Variants in PDK1 observed in about 807,000 individuals in gnomAD.
PDK1 encodes pyruvate dehydrogenase kinase 1, also known as [Pyruvate dehydrogenase (acetyl-transferring)] kinase isozyme 1, mitochondrial.
In PDK1, 39 loss-of-function variants were observed where a neutral mutation model predicts 54.2. The ratio of observed to expected loss-of-function variants is 0.72; its 90% CI spans 0.56 to 0.94. The LOEUF (loss-of-function observed/expected upper bound fraction) is 0.94, where lower values mean the gene tolerates loss of function less well. Among genes scored for constraint, PDK1 ranks in the 40% least tolerant of loss-of-function variants. The pLI is 0.00. For missense variants in PDK1, 552 were observed against 566.0 expected (o/e 0.98, Z 0.25); for synonymous variants, 221 against 207.1 (o/e 1.07, Z -0.58).
the PDK1 span, among the ~76,000 whole-genome samples, chr2:172,696,182 A>AG: frequency 2.6e-5 from 4 of 151,188 alleles, no homozygotes; most frequent in Non-Finnish European, 4.4e-5. Flanking sequence ...CAAAAAAAAA[A>AG]AAAAAAGAAA....
chr2:172,635,954 G>A, the PDK1 span, among the ~76,000 whole-genome samples: 1 of 152,222 alleles, frequency 6.6e-6, no homozygotes, highest in East Asian at 1.9e-4. Context: ...AGTAAAAGCT[G>A]TGACCTAGGC....
chr2:172,562,106 A>C, intron 2 of PDK1, 114 bp from the exon 3 acceptor site: 1 of 613,430 alleles, frequency 1.6e-6, no homozygotes, highest in Non-Finnish European at 2.9e-6. Flanking sequence ...AATTTATAGC[A>C]GTATTCTAAA....
chr2:172,568,160 G>A (rs1243924285), intron 6 of PDK1, among the ~76,000 whole-genome samples: 8 of 151,630 alleles, frequency 5.3e-5, no homozygotes, highest in East Asian at 3.9e-4. Flanking sequence ...GGTGAAACCC[G>A]TCTCTACTAA....
the PDK1 span, among the ~76,000 whole-genome samples, chr2:172,630,790 T>C: frequency 6.6e-6 from 1 of 152,102 alleles, no homozygotes; most frequent in Non-Finnish European, 1.5e-5. Flanking sequence ...CCACCATATC[T>C]GGCTAATTTT....
At chr2:172,560,550 G>T (rs1041042897) in intron 2 of PDK1, among the ~76,000 whole-genome samples, 20 of 152,138 alleles carry the variant, frequency 1.3e-4, no homozygotes, top group Admixed American at 4.6e-4. Context: ...TAGTGGAGTT[G>T]GGATTCAAAC....
the PDK1 span, among the ~76,000 whole-genome samples, chr2:172,702,508 A>C: frequency 2.9e-3 from 438 of 149,964 alleles, 3 homozygotes; most frequent in African/African-American, 9.7e-3. Flanking sequence ...GGGATTTGCC[A>C]GGGCCTCTTT....
chr2:172,562,420 G>A (rs1266344391), intron 3 of PDK1, 129 bp downstream of exon 3: 4 of 667,358 alleles, frequency 6.0e-6, no homozygotes, highest in African/African-American at 1.8e-5. Context: ...ATACAGGCAG[G>A]ACAAATAACA....
At chr2:172,620,010 C>A in the PDK1 span, among the ~76,000 whole-genome samples, 1 of 152,052 alleles carries the variant, frequency 6.6e-6, no homozygotes, top group South Asian at 2.1e-4. Context: ...ACTAAAAATA[C>A]AAAAATTAGC....
chr2:172,707,932 A>G, the PDK1 span, among the ~76,000 whole-genome samples: 99 of 152,390 alleles, frequency 6.5e-4, 1 homozygote, highest in African/African-American at 2.1e-3. Context: ...ACAATTCTCC[A>G]ACCAGTATAT....
chr2:172,570,767 T>G lies in PDK1; in HGVS notation c.888T>G (p.Gly296=), dbSNP rs139202095. 10 of 1,612,010 alleles carry G rather than the reference T, an allele frequency of 6.2e-6. No homozygotes were observed. In the African/African-American group the frequency reaches 1.3e-4, roughly 22 times the overall value. ...RATMEHHANR[G]VYPPIQVHVT... ...CTATGGAACACCATGCCAACAGAGGTGTTTACCCCCCTATTCAAGTTCATG... is the reference window on the plus strand; with the variant it reads ...CTATGGAACACCATGCCAACAGAGGGGTTTACCCCCCTATTCAAGTTCATG... The change falls in exon 8 of 11, where the codon GGT becomes GGG. Residue 296 remains glycine, a synonymous_variant. Transcript: ENST00000282077.
At chr2:172,657,298 T>G in the PDK1 span, among the ~76,000 whole-genome samples, 1 of 151,642 alleles carries the variant, frequency 6.6e-6, no homozygotes, top group Non-Finnish European at 1.5e-5. Flanking sequence ...AGTGCTGGAA[T>G]TACAGGCATG....
At chr2:172,622,123 A>ATCTCATATATTATGTGAGATATGTT in the PDK1 span, among the ~76,000 whole-genome samples, 1 of 119,446 alleles carries the variant, frequency 8.4e-6, no homozygotes, top group African/African-American at 3.7e-5. Flanking sequence ...AGATATGTTT[A>ATCTCATATATTATGTGAGATATGTT]TATCTCATAT....
the PDK1 span, among the ~76,000 whole-genome samples, chr2:172,665,635 C>T: frequency 6.6e-6 from 1 of 152,156 alleles, no homozygotes; most frequent in Non-Finnish European, 1.5e-5. Flanking sequence ...AGCAGAAGTG[C>T]AATTTGCCTA....
chr2:172,588,691 A>C (rs1457845136), intron 9 of PDK1, among the ~76,000 whole-genome samples: 1 of 152,166 alleles, frequency 6.6e-6, no homozygotes. Flanking sequence ...AGCAGGCAGT[A>C]GGGTAGCTGG....
chr2:172,646,517 G>A, the PDK1 span, among the ~76,000 whole-genome samples: 21 of 148,786 alleles, frequency 1.4e-4, no homozygotes, highest in African/African-American at 3.9e-4. Flanking sequence ...AAAAAAAAGC[G>A]GTCAACTTGA....
intron 9 of PDK1, among the ~76,000 whole-genome samples, chr2:172,591,294 A>T (rs563115870): frequency 8.0e-4 from 122 of 152,270 alleles, no homozygotes; most frequent in African/African-American, 2.9e-3. Flanking sequence ...AAGAGTTTGA[A>T]AGGTGTTGTC....
intron 8 of PDK1, among the ~76,000 whole-genome samples, chr2:172,579,692 T>C (rs1689787311): frequency 2.0e-5 from 3 of 149,564 alleles, no homozygotes; most frequent in Non-Finnish European, 4.4e-5. Flanking sequence ...TTTGTTTAAC[T>C]AGAGTTTTTA....
At chr2:172,695,625 C>T in the PDK1 span, among the ~76,000 whole-genome samples, 1 of 152,108 alleles carries the variant, frequency 6.6e-6, no homozygotes, top group African/African-American at 2.4e-5. Flanking sequence ...AGATGCCACT[C>T]CTGGAATTAT....
the PDK1 span, among the ~76,000 whole-genome samples, chr2:172,693,396 G>A: frequency 1.3e-5 from 2 of 152,330 alleles, no homozygotes; most frequent in East Asian, 3.9e-4. Context: ...TTACTGGGGG[G>A]TGACCCTGGG....
Sources: allele counts gnomAD v4.1 joint callset (sites outside exome capture counted in the v4.1 genomes callset), GRCh38; gene constraint gnomAD v4.1.1; transcripts MANE v1.5; gene names NCBI Gene and HGNC (gene_info 2026-07-23, HGNC 2026-07-21).